EPHA3: variants seen among roughly 807,000 people sequenced by gnomAD.
EPHA3 encodes EPH receptor A3.
Under a neutral mutation model 107.1 loss-of-function variants are expected in EPHA3, and 42 were observed. That is an observed-to-expected ratio of 0.39 (90% CI 0.31 to 0.51). The LOEUF (loss-of-function observed/expected upper bound fraction) is 0.51, where lower values mean the gene tolerates loss of function less well. Ranked by LOEUF, EPHA3 falls within the 20% of genes least tolerant of loss-of-function variation. The pLI, the probability that EPHA3 is intolerant of heterozygous loss-of-function variation, is 0.78. For missense variants in EPHA3, 1,183 were observed against 1,211.2 expected (o/e 0.98, Z 0.35); for synonymous variants, 461 against 424.8 (o/e 1.09, Z -1.05).
At chr3:89,468,276 A>G (rs1387093573) in intron 15 of EPHA3, among the ~76,000 whole-genome samples, 1 of 151,670 alleles carries the variant, frequency 6.6e-6, no homozygotes, top group Non-Finnish European at 1.5e-5. Context: ...TCTTGGATGC[A>G]CTTTGATCCA....
intron 3 of EPHA3, among the ~76,000 whole-genome samples, chr3:89,313,587 C>G (rs1706818976): frequency 6.6e-6 from 1 of 151,898 alleles, no homozygotes; most frequent in Non-Finnish European, 1.5e-5. Flanking sequence ...CACTAAATTA[C>G]TTCTGGTTAA....
chr3:89,202,685 A>G (rs536987524), intron 2 of EPHA3, among the ~76,000 whole-genome samples: 8 of 152,012 alleles, frequency 5.3e-5, no homozygotes, highest in South Asian at 4.1e-4. Context: ...GTTTTCAAAA[A>G]TCACAAATCA....
intron 13 of EPHA3, among the ~76,000 whole-genome samples, chr3:89,443,691 G>A (rs912035837): frequency 5.9e-5 from 9 of 152,104 alleles, no homozygotes; most frequent in African/African-American, 1.9e-4. Flanking sequence ...TTTGTAAACA[G>A]CAGAGGTAGA....
Position 89,381,527 on chromosome 3 carries a change from G to A in EPHA3, c.1307-14310G>A, listed in dbSNP as rs189799312. Among the ~76,000 whole-genome samples the A allele has an allele frequency of 9.2e-5, 14 of 151,970 alleles. No individual in the cohort carries two copies. In the South Asian group the frequency reaches 1.0e-3, roughly 11 times the overall value. ...CTACTCAAAATACAAAAATTAGCCC[G>A]GCATGGTGGCACATGCCTGCAATTC... On this transcript the variant is annotated intron_variant, in intron 5 of 16. Transcript: ENST00000336596.
intron 13 of EPHA3, among the ~76,000 whole-genome samples, chr3:89,442,628 G>A (rs1322773933): frequency 6.6e-6 from 1 of 152,164 alleles, no homozygotes; most frequent in Non-Finnish European, 1.5e-5. Context: ...CCCTTCTAGA[G>A]AAACCTTGCC....
chr3:89,388,804 T>C (rs2107495247), intron 5 of EPHA3, among the ~76,000 whole-genome samples: 1 of 152,320 alleles, frequency 6.6e-6, no homozygotes, highest in East Asian at 1.9e-4. Flanking sequence ...GACCGTTCTG[T>C]TGGAGCTTAT....
chr3:89,176,147 G>C (rs977940429), intron 2 of EPHA3, among the ~76,000 whole-genome samples: 1 of 151,956 alleles, frequency 6.6e-6, no homozygotes, highest in African/African-American at 2.4e-5. Flanking sequence ...TGCCACTGTA[G>C]AAAGATTATA....
chr3:89,122,048 A>C (rs1338633899), intron 1 of EPHA3, among the ~76,000 whole-genome samples: 1 of 152,190 alleles, frequency 6.6e-6, no homozygotes, highest in African/African-American at 2.4e-5. Flanking sequence ...ACTGAGTACA[A>C]AGTTTATTTC....
intron 5 of EPHA3, among the ~76,000 whole-genome samples, chr3:89,388,233 T>C (rs1708661139): frequency 6.6e-6 from 1 of 152,174 alleles, no homozygotes; most frequent in African/African-American, 2.4e-5. Flanking sequence ...AAATATGCTG[T>C]ATACTTTATT....
chr3:89,400,967 A>T (rs1708950985), intron 7 of EPHA3, among the ~76,000 whole-genome samples: 1 of 152,102 alleles, frequency 6.6e-6, no homozygotes, highest in African/African-American at 2.4e-5. Flanking sequence ...GAATATAATA[A>T]TCTTCTGACC....
At position 89,141,998 on chromosome 3, in the gene EPHA3, A is replaced by G. The variant is rs573221668; in HGVS notation, c.153+14725A>G. On this transcript the variant is annotated intron_variant, in intron 2 of 16. Coordinates refer to ENST00000336596, the MANE Select transcript of EPHA3 (RefSeq NM_005233.6). The stretch of plus-strand genomic sequence containing the variant: ...TTCTAGAGTTTTAGCAGAGTCAATT[A>G]TGGGTATTTTGGAGGTAGAGTATAT... Among the ~76,000 whole-genome samples, 100 of 151,524 alleles carry G rather than the reference A, an allele frequency of 6.6e-4. No individual in the cohort carries two copies. In the Middle Eastern group the frequency reaches 0.01, roughly 15 times the overall value.
chr3:89,375,533 A>G (rs548117462), intron 5 of EPHA3, among the ~76,000 whole-genome samples: 3 of 151,736 alleles, frequency 2.0e-5, no homozygotes, highest in African/African-American at 2.4e-5. Context: ...CCCACACTAG[A>G]TAAGAGGAAG....
At chr3:89,254,664 G>T (rs532662266) in intron 3 of EPHA3, among the ~76,000 whole-genome samples, 1 of 152,210 alleles carries the variant, frequency 6.6e-6, no homozygotes, top group Non-Finnish European at 1.5e-5. Context: ...TCCTTATAAC[G>T]GTTTAACATT....
In EPHA3 at chr3:89,342,088, C is replaced by A. The variant is rs571620668; in HGVS notation, c.1304C>A (p.Ala435Asp). 2.5e-6 allele frequency: 4 copies of A among 1,607,606 alleles called. No homozygotes were observed. Among genetic ancestry groups the A allele is most frequent in the Non-Finnish European group, 3.4e-6 (4 of 1,178,034 alleles). Residue 435 changes from alanine to aspartate, a missense_variant and splice_region_variant, in exon 5 of 17, where the codon GCT (alanine) becomes GAT (aspartate). By Grantham distance (126) the Ala-to-Asp change is moderately radical (BLOSUM62 -2). Transcript: ENST00000336596. ...FAAVSITTNQ[A>D]APSPVLTIKK... ...GCGGTCAGCATCACAACTAATCAGGCTGGTGAGTACATACTAGATGCTTCT... is the reference window on the plus strand; with the variant it reads ...GCGGTCAGCATCACAACTAATCAGGATGGTGAGTACATACTAGATGCTTCT...
chr3:89,339,422 G>A (rs1339109144), intron 3 of EPHA3, among the ~76,000 whole-genome samples: 2 of 151,044 alleles, frequency 1.3e-5, no homozygotes, highest in Non-Finnish European at 2.9e-5. Flanking sequence ...TGTTAGGGCA[G>A]TAGAATTGAC....
In EPHA3 at chr3:89,417,281, C is replaced by T. The variant is rs574242942; in HGVS notation, c.1889-1924C>T. Reference sequence around the variant, plus strand: ...AATATGTGGCAGAGTCAGAATTGGACCCGAAGCAATTCGGCTGCAGGATCC... The same window carrying T: ...AATATGTGGCAGAGTCAGAATTGGATCCGAAGCAATTCGGCTGCAGGATCC... On this transcript the variant is annotated intron_variant, in intron 10 of 16. Transcript: ENST00000336596. 2.6e-5 allele frequency among the ~76,000 whole-genome samples: 4 copies of T among 151,508 alleles called. No homozygotes were observed. The South Asian group carries it at 6.2e-4, about 24-fold the overall frequency.
chr3:89,260,774 C>A (rs1292598961), intron 3 of EPHA3, among the ~76,000 whole-genome samples: 1 of 152,168 alleles, frequency 6.6e-6, no homozygotes, highest in Non-Finnish European at 1.5e-5. Context: ...AATATTACTC[C>A]TTTCTTTGCC....
intron 2 of EPHA3, among the ~76,000 whole-genome samples, chr3:89,137,417 G>A (rs529002630): frequency 2.0e-5 from 3 of 151,736 alleles, no homozygotes; most frequent in Admixed American, 1.3e-4. Flanking sequence ...ATTACACTCT[G>A]GTGCTTAGTT....
At chr3:89,297,522 G>A (rs1380779569) in intron 3 of EPHA3, among the ~76,000 whole-genome samples, 1 of 152,028 alleles carries the variant, frequency 6.6e-6, no homozygotes, top group East Asian at 1.9e-4. Context: ...TTACAAAAAG[G>A]AACATCAAAG....
Sources: allele counts gnomAD v4.1 joint callset (sites outside exome capture counted in the v4.1 genomes callset), GRCh38; gene constraint gnomAD v4.1.1; transcripts MANE v1.5; gene names NCBI Gene and HGNC (gene_info 2026-07-23, HGNC 2026-07-21).